The following WDFY4 variants were observed in gnomAD, a reference collection of about 807,000 sequenced individuals.
The protein encoded by WDFY4 is WD repeat- and FYVE domain-containing protein 4.
Under a neutral mutation model 351.9 loss-of-function variants are expected in WDFY4, and 169 were observed. The ratio of observed to expected loss-of-function variants is 0.48; its 90% CI spans 0.42 to 0.55. The LOEUF (loss-of-function observed/expected upper bound fraction) is 0.55. WDFY4 is among the 20% of genes least tolerant of loss of function. The probability of loss-of-function intolerance (pLI) is 0.00; values close to 1 mark genes in which losing one functional copy is unlikely to be tolerated. For missense variants in WDFY4, 3,803 were observed against 3,935.6 expected (o/e 0.97, Z 0.90); for synonymous variants, 1,622 against 1,574.6 (o/e 1.03, Z -0.71).
chr10:48,728,670 G>A (rs749608932), intron 7 of WDFY4, among the ~76,000 whole-genome samples: 3 of 152,254 alleles, frequency 2.0e-5, no homozygotes, highest in Non-Finnish European at 4.4e-5. Flanking sequence ...CCAAAGGGAC[G>A]CTAAGTGTAA....
At chr10:48,964,858 C>T (rs1326255216) in intron 54 of WDFY4, among the ~76,000 whole-genome samples, 1 of 152,212 alleles carries the variant, frequency 6.6e-6, no homozygotes, top group African/African-American at 2.4e-5. Context: ...GCCTTCCCCA[C>T]ATGCAACCAT....
intron 43 of WDFY4, among the ~76,000 whole-genome samples, chr10:48,885,828 C>T (rs1294300237): frequency 2.0e-5 from 3 of 151,870 alleles, no homozygotes; most frequent in Non-Finnish European, 2.9e-5. Context: ...ATTAGTATGA[C>T]GAATTCTCTG....
At chr10:48,708,658 T>C (rs566375069) in intron 1 of WDFY4, among the ~76,000 whole-genome samples, 1 of 152,302 alleles carries the variant, frequency 6.6e-6, no homozygotes, top group Admixed American at 6.5e-5. Flanking sequence ...GGTCACTTAT[T>C]GGTGAATTGG....
Position 48,788,712 on chromosome 10 carries a change from A to C in WDFY4, c.3954+37A>C. ...AACTTCGCTGCTAATCTCTGTTGGA[A>C]TCTGGTTTCATGGTTTGCATTAGCT... On this transcript the variant is annotated intron_variant, in intron 21 of 61. Transcript: ENST00000325239. 3 of 1,547,702 alleles carry C rather than the reference A, an allele frequency of 1.9e-6. No homozygotes were observed. The South Asian group carries it at 3.6e-5, about 18-fold the overall frequency.
intron 14 of WDFY4, among the ~76,000 whole-genome samples, chr10:48,775,048 T>C (rs2065986162): frequency 6.6e-6 from 1 of 152,004 alleles, no homozygotes; most frequent in South Asian, 2.1e-4. Context: ...GCAGTAAGCA[T>C]GTAGGGACTG....
intron 60 of WDFY4, chr10:48,978,661 A>T (rs1842680081): frequency 2.6e-6 from 1 of 380,478 alleles, no homozygotes; most frequent in African/African-American, 2.1e-5. Context: ...CCCCTCCATA[A>T]TGAACACAGG....
intron 1 of WDFY4, among the ~76,000 whole-genome samples, chr10:48,706,355 C>T (rs1159548467): frequency 6.6e-6 from 1 of 152,150 alleles, no homozygotes; most frequent in Non-Finnish European, 1.5e-5. Flanking sequence ...CTGAGACCTC[C>T]TTACAAAGAA....
chr10:48,978,512 C>A, intron 60 of WDFY4, 119 bp downstream of exon 60: 8 of 951,642 alleles, frequency 8.4e-6, no homozygotes, highest in Non-Finnish European at 1.2e-5. Flanking sequence ...CTAGGGAGGC[C>A]TAGGAAGGCA....
chr10:48,927,154 T>G (rs1476542791), intron 47 of WDFY4, among the ~76,000 whole-genome samples: 1 of 152,124 alleles, frequency 6.6e-6, no homozygotes, highest in East Asian at 1.9e-4. Flanking sequence ...AAGTCTAACC[T>G]CTCGTTAAGT....
At position 48,789,983 on chromosome 10, in the gene WDFY4, T is replaced by C. The variant is rs925436142; in HGVS notation, c.4064T>C (p.Leu1355Ser). The C allele has an allele frequency of 5.2e-6, 8 of 1,552,112 alleles. No individual in the cohort carries two copies. The Admixed American group carries it at 1.6e-4, about 30-fold the overall frequency. Reference sequence around the variant, plus strand: ...ATTGGAGCTGTTGCTGTGGGTCAATTAGGTATGTTCAACTGGGAAGCTTTG... The same window carrying C: ...ATTGGAGCTGTTGCTGTGGGTCAATCAGGTATGTTCAACTGGGAAGCTTTG... ...RTIGAVAVGQ[L>S]GVRVFHSSPA... The change falls in exon 22 of 62, where the codon TTA (leucine) becomes TCA (serine). Residue 1355 changes from leucine to serine, a missense_variant and splice_region_variant. Coordinates refer to ENST00000325239, the MANE Select transcript of WDFY4 (RefSeq NM_001394531.1).
At position 48,787,786 on chromosome 10, in the gene WDFY4, TTCCTCC is replaced by T. The variant is rs771377133; in HGVS notation, c.3809-726_3809-721del. Among the ~76,000 whole-genome samples, 19 of 88,502 alleles carry T rather than the reference TTCCTCC, an allele frequency of 2.1e-4. 1 individual carries two copies. The highest frequency in any genetic ancestry group is 1.2e-3 in the East Asian group (2 of 1,658). 58.1% of individuals were successfully genotyped at this position (88,502 alleles called of 152,430 possible). ...CCACAGTTTTCTTTTTTTCTTCCTCTTCCTCCTCCTCCTCCTCCTCCTCTTCTTCTT... is the reference window on the plus strand; with the variant it reads ...CCACAGTTTTCTTTTTTTCTTCCTCTTCCTCCTCCTCCTCCTCTTCTTCTT... On this transcript the variant is annotated intron_variant, in intron 20 of 61. Transcript: ENST00000325239.
intron 12 of WDFY4, among the ~76,000 whole-genome samples, chr10:48,759,883 C>T (rs1197724392): frequency 6.6e-6 from 1 of 152,156 alleles, no homozygotes; most frequent in East Asian, 1.9e-4. Flanking sequence ...AAGAGCTGCT[C>T]CATGAGTTCT....
chr10:48,856,859 C>G (rs1015961963), intron 39 of WDFY4, among the ~76,000 whole-genome samples: 1 of 152,160 alleles, frequency 6.6e-6, no homozygotes, highest in Non-Finnish European at 1.5e-5. Context: ...GAAGTTAACA[C>G]CACTCTTACC....
intron 43 of WDFY4, among the ~76,000 whole-genome samples, chr10:48,878,931 T>C (rs2070137379): frequency 6.6e-6 from 1 of 152,262 alleles, no homozygotes; most frequent in African/African-American, 2.4e-5. Context: ...TTTATTTTGA[T>C]AATGGAAGTA....
intron 43 of WDFY4, among the ~76,000 whole-genome samples, chr10:48,889,759 G>C (rs538722450): frequency 1.6e-4 from 24 of 151,750 alleles, no homozygotes; most frequent in Admixed American, 7.2e-4. Flanking sequence ...TTGGGAATGA[G>C]GATTGCAGGG....
chr10:48,771,639 A>G (rs2065869227), intron 13 of WDFY4, among the ~76,000 whole-genome samples: 1 of 152,232 alleles, frequency 6.6e-6, no homozygotes. Flanking sequence ...GAGAGGCTGC[A>G]GGGACCACCC....
At chr10:48,910,471 A>G (rs1481716583) in intron 47 of WDFY4, among the ~76,000 whole-genome samples, 1 of 152,236 alleles carries the variant, frequency 6.6e-6, no homozygotes, top group Non-Finnish European at 1.5e-5. Context: ...TCCAAGGAGT[A>G]AAGGTGACTG....
intron 36 of WDFY4, 67 bp from the exon 37 acceptor site, chr10:48,828,711 A>G: frequency 2.2e-6 from 2 of 928,576 alleles, no homozygotes; most frequent in Non-Finnish European, 3.2e-6. Context: ...TGTAATAAAG[A>G]ACAATAGAAT....
intron 6 of WDFY4, 44 bp from the exon 7 acceptor site, chr10:48,727,426 T>G: frequency 6.5e-7 from 1 of 1,532,622 alleles, no homozygotes; most frequent in Non-Finnish European, 8.8e-7. Context: ...GGAAAGCTCT[T>G]GCTTCCAAGC....
Sources: gnomAD v4.1 joint callset for allele counts (sites outside exome capture counted in the v4.1 genomes callset) on GRCh38, gnomAD v4.1.1 for gene constraint, MANE v1.5 for transcripts, NCBI Gene and HGNC (gene_info 2026-07-23, HGNC 2026-07-21) for gene names.